The following CADM2 variants were observed in gnomAD, a reference collection of about 807,000 sequenced individuals.
CADM2 encodes the protein immunoglobulin superfamily member 4D.
Under a neutral mutation model 49.8 loss-of-function variants are expected in CADM2, and 12 were observed. That is an observed-to-expected ratio of 0.24 (90% CI 0.15 to 0.39). The LOEUF is 0.39. Among genes scored for constraint, CADM2 ranks in the 10% least tolerant of loss-of-function variants. CADM2 has a pLI of 1.00. For synonymous variants in CADM2, 214 were observed against 175.4 expected, an observed-to-expected ratio of 1.22 and a Z score of -1.74; for missense variants, 378 against 492.3, an observed-to-expected ratio of 0.77 and a Z score of 2.20.
chr3:85,268,261 G>T (rs2043163150), intron 1 of CADM2, among the ~76,000 whole-genome samples: 1 of 151,152 alleles, frequency 6.6e-6, no homozygotes, highest in Admixed American at 6.6e-5. Context: ...AGAGAAACTT[G>T]ATATGTTGTA....
At chr3:85,338,939 T>C (rs942806465) in intron 1 of CADM2, among the ~76,000 whole-genome samples, 1 of 151,526 alleles carries the variant, frequency 6.6e-6, no homozygotes, top group Non-Finnish European at 1.5e-5. Context: ...TTTTAAATAA[T>C]GTATTCTAAA....
chr3:85,978,708 C>A (rs1727098511), intron 8 of CADM2, among the ~76,000 whole-genome samples: 1 of 151,540 alleles, frequency 6.6e-6, no homozygotes, highest in African/African-American at 2.4e-5. Context: ...AGAAAAAAAT[C>A]AAAAAGCATT....
At chr3:85,308,211 G>A (rs2107030601) in intron 1 of CADM2, among the ~76,000 whole-genome samples, 1 of 151,612 alleles carries the variant, frequency 6.6e-6, no homozygotes, top group East Asian at 1.9e-4. Context: ...TGAGTAGGGT[G>A]TGGGTTTTGG....
chr3:85,103,131 A>G (rs1248588773), intron 1 of CADM2, among the ~76,000 whole-genome samples: 1 of 152,182 alleles, frequency 6.6e-6, no homozygotes, highest in African/African-American at 2.4e-5. Flanking sequence ...ATGGAAGAAT[A>G]TATTTGTAAT....
At chr3:85,321,662 AT>A (rs1380174492) in intron 1 of CADM2, among the ~76,000 whole-genome samples, 8 of 152,300 alleles carry the variant, frequency 5.3e-5, no homozygotes, top group African/African-American at 1.9e-4. Context: ...TGGCTTATAC[AT>A]CTCAAGTTCT....
At chr3:85,216,604 T>C (rs1404897366) in intron 1 of CADM2, among the ~76,000 whole-genome samples, 1 of 151,974 alleles carries the variant, frequency 6.6e-6, no homozygotes, top group Non-Finnish European at 1.5e-5. Flanking sequence ...AAATATCATC[T>C]CATTGTCACC....
intron 1 of CADM2, among the ~76,000 whole-genome samples, chr3:85,193,979 A>G (rs1239617961): frequency 6.6e-6 from 1 of 152,072 alleles, no homozygotes; most frequent in Non-Finnish European, 1.5e-5. Flanking sequence ...AATTATGTCA[A>G]AATATAAAGT....
chr3:85,941,038 G>A (rs1037465129), intron 7 of CADM2, among the ~76,000 whole-genome samples: 3 of 151,980 alleles, frequency 2.0e-5, no homozygotes, highest in African/African-American at 7.2e-5. Flanking sequence ...AAAGTCCAAT[G>A]TTTACATTAG....
intron 1 of CADM2, among the ~76,000 whole-genome samples, chr3:85,586,295 C>T (rs528670787): frequency 2.0e-4 from 30 of 152,084 alleles, no homozygotes; most frequent in African/African-American, 7.2e-4. Context: ...TTCCATTTAT[C>T]CAGGATAAAT....
At chr3:85,264,321 G>A (rs1040122537) in intron 1 of CADM2, among the ~76,000 whole-genome samples, 3 of 152,004 alleles carry the variant, frequency 2.0e-5, no homozygotes, top group African/African-American at 7.2e-5. Flanking sequence ...AATGACTGTT[G>A]AAGGAACTTG....
chr3:85,953,221 T>C (rs2108592392), intron 7 of CADM2, among the ~76,000 whole-genome samples: 1 of 151,170 alleles, frequency 6.6e-6, no homozygotes, highest in Non-Finnish European at 1.5e-5. Context: ...ACTAAGCTAC[T>C]TATAAGCATA....
chr3:85,729,346 C>T (rs561366091), intron 2 of CADM2, among the ~76,000 whole-genome samples: 1 of 152,254 alleles, frequency 6.6e-6, no homozygotes, highest in South Asian at 2.1e-4. Flanking sequence ...AGATAAACTT[C>T]ACTTCCTACA....
rs138825851 is a variant in CADM2, at chr3:84,983,874, T to A, written c.61+24206T>A. 3.5e-4 allele frequency among the ~76,000 whole-genome samples: 53 copies of A among 152,236 alleles called. No individual in the cohort carries two copies. In the East Asian group the frequency reaches 9.8e-3, roughly 28 times the overall value. Reference sequence around the variant, plus strand: ...AATAATATATTTAGCTGCATGATGATGAACTGGAAAATATGTTATCTGAAT... The same window carrying A: ...AATAATATATTTAGCTGCATGATGAAGAACTGGAAAATATGTTATCTGAAT... On this transcript the variant is annotated intron_variant, in intron 1 of 9. Transcript: ENST00000383699.
At chr3:85,218,005 TA>T (rs535334293) in intron 1 of CADM2, among the ~76,000 whole-genome samples, 50 of 152,250 alleles carry the variant, frequency 3.3e-4, no homozygotes, top group African/African-American at 1.1e-3. Flanking sequence ...ATCAAACATT[TA>T]AAAATATTTT....
At chr3:85,262,836 G>T (rs2043041536) in intron 1 of CADM2, among the ~76,000 whole-genome samples, 1 of 151,836 alleles carries the variant, frequency 6.6e-6, no homozygotes, top group African/African-American at 2.4e-5. Flanking sequence ...CTTTCACAAT[G>T]TGAGGATAAA....
At chr3:85,084,882 A>G (rs2037311200) in intron 1 of CADM2, among the ~76,000 whole-genome samples, 1 of 152,048 alleles carries the variant, frequency 6.6e-6, no homozygotes, top group Non-Finnish European at 1.5e-5. Flanking sequence ...ATAGATTCTT[A>G]ATGATAGGAG....
At chr3:85,105,738 T>C (rs1175983403) in intron 1 of CADM2, among the ~76,000 whole-genome samples, 1 of 152,182 alleles carries the variant, frequency 6.6e-6, no homozygotes, top group Non-Finnish European at 1.5e-5. Flanking sequence ...ATATGGCACA[T>C]GTACAGCATG....
chr3:85,838,464 T>TTTATAAACTGC (rs2074497736), intron 3 of CADM2, among the ~76,000 whole-genome samples: 1 of 151,798 alleles, frequency 6.6e-6, no homozygotes, highest in African/African-American at 2.4e-5. Context: ...GAAGAGTAAG[T>TTTATAAACTGC]TTATAAACTG....
intron 2 of CADM2, among the ~76,000 whole-genome samples, chr3:85,790,912 G>T (rs1251996128): frequency 6.6e-6 from 1 of 152,154 alleles, no homozygotes; most frequent in Admixed American, 6.6e-5. Flanking sequence ...CAGTGGCTGG[G>T]CAGAATGGTG....
Sources: gnomAD v4.1 joint callset for allele counts (sites outside exome capture counted in the v4.1 genomes callset) on GRCh38, gnomAD v4.1.1 for gene constraint, MANE v1.5 for transcripts, NCBI Gene and HGNC (gene_info 2026-07-23, HGNC 2026-07-21) for gene names.